ENTREP2: variants seen among roughly 807,000 people sequenced by gnomAD.
ENTREP2 encodes the protein protein ENTREP2.
At chr15:29,432,172 C>CTGCTCACTTCAGACAATGCCTGT in the ENTREP2 span, among the ~76,000 whole-genome samples, 3 of 152,218 alleles carry the variant, frequency 2.0e-5, no homozygotes, top group Non-Finnish European at 4.4e-5. Flanking sequence ...CAAAAGACTT[C>CTGCTCACTTCAGACAATGCCTGT]TGCTCACTTC....
At chr15:29,634,089 G>A in the ENTREP2 span, among the ~76,000 whole-genome samples, 5 of 152,252 alleles carry the variant, frequency 3.3e-5, no homozygotes, top group Admixed American at 1.3e-4. Flanking sequence ...TGGCACCTCT[G>A]GTGTGGTGGC....
chr15:29,323,310 A>C, the ENTREP2 span, among the ~76,000 whole-genome samples: 1 of 152,108 alleles, frequency 6.6e-6, no homozygotes, highest in African/African-American at 2.4e-5. Flanking sequence ...CCAGTGGTTT[A>C]ATCAATCATG....
the ENTREP2 span, among the ~76,000 whole-genome samples, chr15:29,270,488 A>G: frequency 6.6e-6 from 1 of 152,260 alleles, no homozygotes; most frequent in East Asian, 1.9e-4. Flanking sequence ...TTGGAAAACA[A>G]CTGCTTTCGT....
the ENTREP2 span, among the ~76,000 whole-genome samples, chr15:29,143,586 CG>C: frequency 1.3e-5 from 2 of 152,166 alleles, no homozygotes; most frequent in Non-Finnish European, 2.9e-5. Context: ...AGCTGTGGCT[CG>C]GGGGGCTTCC....
At chr15:29,569,255 C>A in the ENTREP2 span, among the ~76,000 whole-genome samples, 1 of 152,126 alleles carries the variant, frequency 6.6e-6, no homozygotes, top group Admixed American at 6.5e-5. Context: ...ATCTAAAATA[C>A]GCTTCGAAAA....
chr15:29,391,668 G>A, the ENTREP2 span, among the ~76,000 whole-genome samples: 467 of 152,132 alleles, frequency 3.1e-3, 6 homozygotes, highest in African/African-American at 0.011. Flanking sequence ...CTCCTCTTAC[G>A]GGTATCTACT....
the ENTREP2 span, among the ~76,000 whole-genome samples, chr15:29,408,884 T>C: frequency 6.6e-6 from 1 of 152,230 alleles, no homozygotes; most frequent in Non-Finnish European, 1.5e-5. Flanking sequence ...CAAGATAAAT[T>C]ACAAACCATG....
the ENTREP2 span, among the ~76,000 whole-genome samples, chr15:29,388,629 G>A: frequency 6.6e-6 from 1 of 152,078 alleles, no homozygotes; most frequent in Non-Finnish European, 1.5e-5. Flanking sequence ...TATACCCAAA[G>A]GATTATAAAT....
the ENTREP2 span, among the ~76,000 whole-genome samples, chr15:29,190,369 AAAC>A: frequency 6.6e-6 from 1 of 152,160 alleles, no homozygotes; most frequent in Non-Finnish European, 1.5e-5. Context: ...TAAAAAAAAA[AAAC>A]AGAGAATCTA....
the ENTREP2 span, among the ~76,000 whole-genome samples, chr15:29,421,794 T>C: frequency 5.9e-5 from 9 of 152,214 alleles, no homozygotes; most frequent in Non-Finnish European, 8.8e-5. Flanking sequence ...TCTCAATTTT[T>C]CATGGTGCCA....
chr15:29,331,657 T>C, the ENTREP2 span, among the ~76,000 whole-genome samples: 1 of 152,232 alleles, frequency 6.6e-6, no homozygotes. Flanking sequence ...AATGACAGCA[T>C]GATCGTTAAT....
the ENTREP2 span, among the ~76,000 whole-genome samples, chr15:29,625,185 T>C: frequency 6.6e-6 from 1 of 152,222 alleles, no homozygotes; most frequent in African/African-American, 2.4e-5. Context: ...TTAATATCCA[T>C]CCAAGCTACT....
the ENTREP2 span, among the ~76,000 whole-genome samples, chr15:29,586,869 T>C: frequency 1.3e-5 from 2 of 152,182 alleles, no homozygotes; most frequent in African/African-American, 2.4e-5. Context: ...GGAAAACATA[T>C]GTAAAACTGG....
chr15:29,498,861 G>T, the ENTREP2 span, among the ~76,000 whole-genome samples: 7 of 151,990 alleles, frequency 4.6e-5, no homozygotes, highest in African/African-American at 1.7e-4. Flanking sequence ...TATGATTATT[G>T]TGTCCTCTTA....
At chr15:29,129,097 T>G in the ENTREP2 span, among the ~76,000 whole-genome samples, 1 of 152,222 alleles carries the variant, frequency 6.6e-6, no homozygotes, top group South Asian at 2.1e-4. Context: ...GGAGTCTTGC[T>G]CTGTCACCCA....
chr15:29,585,940 C>T, the ENTREP2 span, among the ~76,000 whole-genome samples: 2 of 151,448 alleles, frequency 1.3e-5, no homozygotes, highest in Non-Finnish European at 2.9e-5. Context: ...TTTGATTTAC[C>T]ATATGACTCA....
the ENTREP2 span, among the ~76,000 whole-genome samples, chr15:29,447,827 C>T: frequency 6.6e-6 from 1 of 152,094 alleles, no homozygotes; most frequent in African/African-American, 2.4e-5. Flanking sequence ...CTTTGGGAGG[C>T]CAAGGCAGGT....
chr15:29,533,777 G>A, the ENTREP2 span, among the ~76,000 whole-genome samples: 2 of 152,040 alleles, frequency 1.3e-5, no homozygotes, highest in African/African-American at 2.4e-5. Flanking sequence ...CTCCCCTGTA[G>A]AAAGGGAACC....
At chr15:29,171,153 C>T in the ENTREP2 span, among the ~76,000 whole-genome samples, 55 of 152,306 alleles carry the variant, frequency 3.6e-4, no homozygotes, top group East Asian at 1.7e-3. Flanking sequence ...TTATTAAATT[C>T]GACCTCCAAC....
Sources: allele counts gnomAD v4.1 joint callset (sites outside exome capture counted in the v4.1 genomes callset), GRCh38; gene constraint gnomAD v4.1.1; transcripts MANE v1.5; gene names NCBI Gene and HGNC (gene_info 2026-07-23, HGNC 2026-07-21).